TNFRSF21: variants seen among roughly 807,000 people sequenced by gnomAD.
TNFRSF21 encodes TNF receptor superfamily member 21.
A neutral mutation model predicts 45.6 loss-of-function variants in TNFRSF21; 19 were observed. The ratio of observed to expected loss-of-function variants is 0.42; its 90% confidence interval spans 0.29 to 0.61. TNFRSF21 has a LOEUF of 0.61. Among genes scored for constraint, TNFRSF21 ranks in the 20% least tolerant of loss-of-function variants. The pLI is 0.23. For synonymous variants in TNFRSF21, 314 were observed against 335.5 expected (o/e 0.94, Z 0.70); for missense variants, 737 against 851.5 (o/e 0.87, Z 1.67).
intron 4 of TNFRSF21, among the ~76,000 whole-genome samples, chr6:47,244,568 T>C (rs534470635): frequency 3.8e-4 from 58 of 152,228 alleles, no homozygotes; most frequent in Non-Finnish European, 7.5e-4. Flanking sequence ...CTTTATGTTA[T>C]TCTCTACTGT....
At position 47,270,378 on chromosome 6, in the gene TNFRSF21, G is replaced by T. The variant is rs1382641966; in HGVS notation, c.1243+13560C>A. Among the ~76,000 whole-genome samples the T allele has an allele frequency of 3.3e-5, 5 of 152,328 alleles. No individual in the cohort carries two copies. The South Asian group carries it at 1.0e-3, about 32-fold the overall frequency. ...GTGATACCCAGGCGAACAAGGTCTG[G>T]AGTGGACCTCCAGCAAAATCCAACA... On this transcript the variant is annotated intron_variant, in intron 3 of 5. Transcript: ENST00000296861.
chr6:47,307,442 G>A (rs1292011138), intron 1 of TNFRSF21, among the ~76,000 whole-genome samples: 1 of 152,110 alleles, frequency 6.6e-6, no homozygotes, highest in African/African-American at 2.4e-5. Flanking sequence ...GCCGTGGCAT[G>A]GTCACAGCTC....
chr6:47,234,847 T>C lies in TNFRSF21; in HGVS notation c.1561A>G (p.Ser521Gly), dbSNP rs1403365327. Residue 521 changes from serine to glycine, a missense_variant, in exon 5 of 6, where the codon AGC becomes GGC. Coordinates refer to ENST00000296861, the MANE Select transcript of TNFRSF21 (RefSeq NM_014452.5). ...TTCGCGTTGGGGCTGGGGATGGGGC[T>C]CGGGCTAAGCGGGCTGGGGCTCATC... is the stretch of plus-strand genomic sequence containing the variant. ...LPMSPSPLSP[S>G]PIPSPNAKLE... The C allele has an allele frequency of 6.6e-7, 1 of 1,509,982 alleles. No homozygotes were observed. The highest frequency in any genetic ancestry group is 8.8e-7 in the Non-Finnish European group (1 of 1,132,974). The allele number at this position is 1,509,982 out of a possible 1,614,324, so 93.5% of individuals were successfully genotyped here.
At chr6:47,287,499 T>C (rs1188773342) in intron 1 of TNFRSF21, among the ~76,000 whole-genome samples, 1 of 152,182 alleles carries the variant, frequency 6.6e-6, no homozygotes, top group Non-Finnish European at 1.5e-5. Flanking sequence ...AAAAATGTAC[T>C]CTTTCTATTT....
At chr6:47,244,232 G>C (rs957580487) in intron 4 of TNFRSF21, among the ~76,000 whole-genome samples, 4 of 149,496 alleles carry the variant, frequency 2.7e-5, no homozygotes, top group Non-Finnish European at 5.9e-5. Flanking sequence ...GCAGAGGCAG[G>C]AGAATGGCGT....
At chr6:47,266,446 T>C (rs1421714875) in intron 3 of TNFRSF21, among the ~76,000 whole-genome samples, 1 of 152,150 alleles carries the variant, frequency 6.6e-6, no homozygotes, top group African/African-American at 2.4e-5. Context: ...TAGTACATTG[T>C]GGATAAGGGA....
intron 3 of TNFRSF21, among the ~76,000 whole-genome samples, chr6:47,272,820 G>C (rs1304484142): frequency 6.6e-6 from 1 of 152,072 alleles, no homozygotes; most frequent in African/African-American, 2.4e-5. Context: ...AATAAAAAAT[G>C]ATAAAAGGGA....
chr6:47,255,615 C>T (rs897844170), intron 3 of TNFRSF21, among the ~76,000 whole-genome samples: 1 of 152,128 alleles, frequency 6.6e-6, no homozygotes, highest in African/African-American at 2.4e-5. Flanking sequence ...ACACCCACCA[C>T]CACACCCAGC....
Position 47,232,720 on chromosome 6 carries a change from C to A in TNFRSF21, c.*45G>T, listed in dbSNP as rs746299347. 1.9e-6 allele frequency: 3 copies of A among 1,576,304 alleles called. No individual in the cohort carries two copies. Among genetic ancestry groups the A allele is most frequent in the Non-Finnish European group, 2.6e-6 (3 of 1,151,828 alleles). On this transcript the variant is annotated 3_prime_UTR_variant, in exon 6 of 6. Coordinates refer to ENST00000296861, the MANE Select transcript of TNFRSF21 (RefSeq NM_014452.5). Reference sequence around the variant, plus strand: ...AACAGAAGAAAATTAAAAAACCACCCTGCCACTAAATTGAGTAATTTCCAG... The same window carrying A: ...AACAGAAGAAAATTAAAAAACCACCATGCCACTAAATTGAGTAATTTCCAG...
chr6:47,276,586 G>C (rs2113860441), intron 3 of TNFRSF21, among the ~76,000 whole-genome samples: 1 of 152,326 alleles, frequency 6.6e-6, no homozygotes, highest in Admixed American at 6.5e-5. Context: ...ACCTGTTCTT[G>C]CAAATAAAGC....
At chr6:47,270,907 T>C (rs778832937) in intron 3 of TNFRSF21, among the ~76,000 whole-genome samples, 5 of 151,702 alleles carry the variant, frequency 3.3e-5, no homozygotes, top group Non-Finnish European at 5.9e-5. Context: ...AAGTGGAAAA[T>C]AGGGTATCAG....
intron 3 of TNFRSF21, among the ~76,000 whole-genome samples, chr6:47,256,402 T>C (rs577827633): frequency 6.6e-6 from 1 of 152,322 alleles, no homozygotes; most frequent in East Asian, 1.9e-4. Context: ...CATAGGCCTA[T>C]ATTCCCAGCT....
intron 4 of TNFRSF21, among the ~76,000 whole-genome samples, chr6:47,252,832 C>G (rs975086931): frequency 1.1e-4 from 16 of 152,194 alleles, no homozygotes; most frequent in African/African-American, 3.9e-4. Context: ...AAGAATGCTG[C>G]CTTCATAAGC....
chr6:47,232,493 T>C lies in TNFRSF21; in HGVS notation c.*272A>G. The C allele has an allele frequency of 2.7e-6, 1 of 367,592 alleles. No individual in the cohort carries two copies. Among genetic ancestry groups the C allele is most frequent in the East Asian group, 4.6e-5 (1 of 21,718 alleles). 22.8% of individuals were successfully genotyped at this position (367,592 alleles called of 1,614,324 possible). The stretch of plus-strand genomic sequence containing the variant: ...GAGAAAATATGGAACTTAAAAAACT[T>C]TAGTGGTGGGTATTTCACAACAGTT... On this transcript the variant is annotated 3_prime_UTR_variant, in exon 6 of 6. Transcript: ENST00000296861.
At chr6:47,247,013 A>C (rs2113847446) in intron 4 of TNFRSF21, among the ~76,000 whole-genome samples, 1 of 152,332 alleles carries the variant, frequency 6.6e-6, no homozygotes, top group South Asian at 2.1e-4. Flanking sequence ...AGTTATTGAA[A>C]GGCATTGACC....
At chr6:47,254,990 T>C (rs1175756916) in intron 3 of TNFRSF21, among the ~76,000 whole-genome samples, 1 of 152,212 alleles carries the variant, frequency 6.6e-6, no homozygotes, top group African/African-American at 2.4e-5. Flanking sequence ...AAATCCTGTA[T>C]GTGTAACCAC....
intron 4 of TNFRSF21, among the ~76,000 whole-genome samples, chr6:47,236,624 G>A (rs1764668034): frequency 6.6e-6 from 1 of 152,046 alleles, no homozygotes; most frequent in African/African-American, 2.4e-5. Context: ...CTGCTTCCAG[G>A]GCAAGTTTCA....
chr6:47,248,002 C>T (rs1764847886), intron 4 of TNFRSF21, among the ~76,000 whole-genome samples: 1 of 152,190 alleles, frequency 6.6e-6, no homozygotes, highest in Non-Finnish European at 1.5e-5. Context: ...ATTCTCCACT[C>T]CGCTTCCTGG....
At chr6:47,285,313 CTT>C (rs933851306) in intron 2 of TNFRSF21, among the ~76,000 whole-genome samples, 37 of 152,218 alleles carry the variant, frequency 2.4e-4, no homozygotes, top group African/African-American at 8.7e-4. Context: ...TGATGGAAAA[CTT>C]GAATAATTGA....
Sources: allele counts gnomAD v4.1 joint callset (sites outside exome capture counted in the v4.1 genomes callset), GRCh38; gene constraint gnomAD v4.1.1; transcripts MANE v1.5; gene names NCBI Gene and HGNC (gene_info 2026-07-23, HGNC 2026-07-21).